STK32A: variants seen among roughly 807,000 people sequenced by gnomAD.
STK32A encodes the protein serine/threonine-protein kinase 32A.
A neutral mutation model predicts 53.2 loss-of-function variants in STK32A; 41 were observed. That is an observed-to-expected ratio of 0.77 (90% CI 0.60 to 1.00). STK32A has a LOEUF of 1.00. Ranked by LOEUF, STK32A falls within the 50% of genes least tolerant of loss-of-function variation. The pLI, the probability that STK32A is intolerant of heterozygous loss-of-function variation, is 0.00. For synonymous variants in STK32A, 166 were observed against 162.8 expected (o/e 1.02, Z -0.15); for missense variants, 458 against 485.8 (o/e 0.94, Z 0.54).
At chr5:147,253,566 G>T (rs1367789346) in intron 2 of STK32A, among the ~76,000 whole-genome samples, 2 of 152,146 alleles carry the variant, frequency 1.3e-5, no homozygotes, top group Non-Finnish European at 2.9e-5. Context: ...ATGTTGGCCA[G>T]GCTGGTCTTG....
intron 5 of STK32A, among the ~76,000 whole-genome samples, chr5:147,327,220 CA>C (rs375940019): frequency 2.3e-3 from 345 of 152,212 alleles, no homozygotes; most frequent in African/African-American, 8.1e-3. Flanking sequence ...CCAGAGAGTG[CA>C]AAAAGCAATA....
intron 2 of STK32A, among the ~76,000 whole-genome samples, chr5:147,276,695 T>C (rs185288883): frequency 6.6e-6 from 1 of 152,190 alleles, no homozygotes; most frequent in Non-Finnish European, 1.5e-5. Context: ...TCATTAAGCT[T>C]ATGCTATAGT....
At chr5:147,259,864 T>TTCTGTCTCTCTATCCTGTCTCTCTCTTTC (rs1754424931) in intron 2 of STK32A, among the ~76,000 whole-genome samples, 1 of 141,198 alleles carries the variant, frequency 7.1e-6, no homozygotes, top group Admixed American at 7.3e-5. Flanking sequence ...TCTCCCTCTC[T>TTCTGTCTCTCTATCCTGTCTCTCTCTTTC]TCTGTCTCTC....
intron 10 of STK32A, among the ~76,000 whole-genome samples, chr5:147,374,367 C>T: frequency 6.6e-6 from 1 of 151,732 alleles, no homozygotes. Flanking sequence ...CATGTACACA[C>T]AGCAGGAGGC....
chr5:147,374,079 G>A (rs1338520053), intron 10 of STK32A, among the ~76,000 whole-genome samples: 4 of 152,004 alleles, frequency 2.6e-5, no homozygotes. Context: ...AGGATCAGGG[G>A]TTCAAGATCA....
intron 7 of STK32A, among the ~76,000 whole-genome samples, chr5:147,353,786 C>A (rs10053220): frequency 0.056 from 8,516 of 151,958 alleles, 645 homozygotes; most frequent in African/African-American, 0.17. Context: ...ACAACAACAA[C>A]AAAAAACCTA....
intron 4 of STK32A, among the ~76,000 whole-genome samples, chr5:147,315,875 T>A (rs999291776): frequency 1.3e-5 from 2 of 152,174 alleles, no homozygotes; most frequent in African/African-American, 4.8e-5. Flanking sequence ...ACATACTTTA[T>A]ATAACTAGAA....
At chr5:147,391,560 T>C (rs1315341647), downstream of STK32A, 5 of 152,422 alleles carry the variant, frequency 3.3e-5, no homozygotes, top group African/African-American at 4.8e-5. Flanking sequence ...CCAGCGTGCC[T>C]TCCTACACTT....
intron 2 of STK32A, among the ~76,000 whole-genome samples, chr5:147,246,894 T>C (rs1469588733): frequency 6.6e-6 from 1 of 152,210 alleles, no homozygotes; most frequent in Admixed American, 6.5e-5. Flanking sequence ...AAGTACAAGT[T>C]GGATTTGATG....
intron 2 of STK32A, among the ~76,000 whole-genome samples, chr5:147,263,010 T>C (rs1318007042): frequency 6.6e-6 from 1 of 152,086 alleles, no homozygotes; most frequent in Non-Finnish European, 1.5e-5. Flanking sequence ...AAAAAAAAAT[T>C]CTCCACTCCA....
Position 147,358,332 on chromosome 5 carries a change from G to A in STK32A, c.563-3185G>A, listed in dbSNP as rs542109579. Among the ~76,000 whole-genome samples, 6 of 152,208 alleles carry A rather than the reference G, an allele frequency of 3.9e-5. No individual in the cohort carries two copies. In the East Asian group the frequency reaches 1.2e-3, roughly 29 times the overall value. Reference sequence around the variant, plus strand: ...CAAAAGGAACCCTGATCTAATACTGGTCATAGTGTGAATTTATACAACACT... The same window carrying A: ...CAAAAGGAACCCTGATCTAATACTGATCATAGTGTGAATTTATACAACACT... On this transcript the variant is annotated intron_variant, in intron 7 of 12. Transcript: ENST00000397936.
At chr5:147,317,323 C>CTTTTTTTTTTTTTTTTTTT (rs3064294) in intron 4 of STK32A, among the ~76,000 whole-genome samples, 20 of 81,312 alleles carry the variant, frequency 2.5e-4, no homozygotes, top group South Asian at 5.3e-4. Flanking sequence ...CTTTTTCTTT[C>CTTTTTTTTTTTTTTTTTTT]TTTTTTTTTT....
intron 2 of STK32A, among the ~76,000 whole-genome samples, chr5:147,264,953 C>A (rs890874479): frequency 6.6e-6 from 1 of 151,558 alleles, no homozygotes; most frequent in Non-Finnish European, 1.5e-5. Flanking sequence ...GTTATGGACA[C>A]AAAACTTGAA....
intron 2 of STK32A, among the ~76,000 whole-genome samples, chr5:147,247,908 G>A (rs974606044): frequency 8.6e-5 from 13 of 152,006 alleles, no homozygotes; most frequent in African/African-American, 3.1e-4. Flanking sequence ...GATCACCTGA[G>A]GTCACGAGTT....
At chr5:147,351,017 T>C in intron 6 of STK32A, 48 bp from the exon 7 acceptor site, 3 of 1,531,630 alleles carry the variant, frequency 2.0e-6, no homozygotes, top group Non-Finnish European at 2.7e-6. Context: ...ATTGTGCCAC[T>C]GGGTTGAATG....
At chr5:147,289,419 A>G (rs550209346) in intron 4 of STK32A, among the ~76,000 whole-genome samples, 4 of 152,104 alleles carry the variant, frequency 2.6e-5, no homozygotes, top group African/African-American at 9.7e-5. Flanking sequence ...CAATAATCTC[A>G]TTCATGCTAA....
the STK32A span, among the ~76,000 whole-genome samples, chr5:147,398,729 A>G: frequency 6.6e-6 from 1 of 152,248 alleles, no homozygotes; most frequent in South Asian, 2.1e-4. Context: ...ACTGGCTAAG[A>G]CCAGTGCCAT....
intron 6 of STK32A, among the ~76,000 whole-genome samples, chr5:147,345,359 T>TAAAAGTCTA: frequency 6.6e-6 from 1 of 152,290 alleles, no homozygotes; most frequent in African/African-American, 2.4e-5. Context: ...AATCACTCAA[T>TAAAAGTCTA]AAAAGTCTAA....
intron 2 of STK32A, among the ~76,000 whole-genome samples, chr5:147,258,586 C>T (rs1754344397): frequency 1.3e-5 from 2 of 152,072 alleles, no homozygotes; most frequent in South Asian, 4.1e-4. Context: ...CCTCAACTTT[C>T]TGACTTGTTG....
Sources: allele counts gnomAD v4.1 joint callset (sites outside exome capture counted in the v4.1 genomes callset), GRCh38; gene constraint gnomAD v4.1.1; transcripts MANE v1.5; gene names NCBI Gene and HGNC (gene_info 2026-07-23, HGNC 2026-07-21).